The following CNNM4 variants were observed in gnomAD, a reference collection of about 807,000 sequenced individuals.
The protein encoded by CNNM4 is cyclin and CBS domain divalent metal cation transport mediator 4, also known as metal transporter CNNM4.
Under a neutral mutation model 53.7 loss-of-function variants are expected in CNNM4, and 32 were observed. The observed-to-expected ratio is 0.60, with a 90% confidence interval of 0.45 to 0.80. The LOEUF (loss-of-function observed/expected upper bound fraction) is 0.80, where lower values mean the gene tolerates loss of function less well. Ranked by LOEUF, CNNM4 falls within the 30% of genes least tolerant of loss-of-function variation. The probability of loss-of-function intolerance (pLI) is 0.00; values close to 1 mark genes in which losing one functional copy is unlikely to be tolerated. For synonymous variants in CNNM4, 410 were observed against 440.0 expected (o/e 0.93, Z 0.85); for missense variants, 784 against 1,022.0 (o/e 0.77, Z 3.17).
chr2:96,792,876 G>C (rs2079074102), intron 1 of CNNM4, among the ~76,000 whole-genome samples: 1 of 152,110 alleles, frequency 6.6e-6, no homozygotes, highest in Non-Finnish European at 1.5e-5. Flanking sequence ...CCTAAAGGGA[G>C]ACAGGAGTGT....
chr2:96,806,533 A>ACG (rs745997640), intron 5 of CNNM4, among the ~76,000 whole-genome samples: 11,401 of 138,440 alleles, frequency 0.082, 632 homozygotes, highest in Middle Eastern at 0.17. Flanking sequence ...ACACACACAC[A>ACG]CACGCGCGCG....
At chr2:96,770,079 C>T (rs2078855616) in intron 1 of CNNM4, among the ~76,000 whole-genome samples, 1 of 152,174 alleles carries the variant, frequency 6.6e-6, no homozygotes, top group African/African-American at 2.4e-5. Flanking sequence ...CCTGGCTGGC[C>T]CCATGCAGCC....
chr2:96,802,653 G>A (rs568762678), intron 5 of CNNM4, among the ~76,000 whole-genome samples: 14 of 152,356 alleles, frequency 9.2e-5, no homozygotes, highest in African/African-American at 1.4e-4. Context: ...AGGAGAGTAC[G>A]TGAGAGAATT....
chr2:96,768,178 A>T (rs546843248), intron 1 of CNNM4, among the ~76,000 whole-genome samples: 1 of 152,366 alleles, frequency 6.6e-6, no homozygotes, highest in African/African-American at 2.4e-5. Context: ...TATGAAGTTG[A>T]GAAAAAACAC....
At chr2:96,786,713 AG>A (rs1225298516) in intron 1 of CNNM4, among the ~76,000 whole-genome samples, 4 of 133,982 alleles carry the variant, frequency 3.0e-5, no homozygotes, top group African/African-American at 1.1e-4. Flanking sequence ...TGGGAAGCGG[AG>A]GTTGCAGTGA....
At chr2:96,767,338 C>T (rs2078827804) in intron 1 of CNNM4, among the ~76,000 whole-genome samples, 1 of 152,156 alleles carries the variant, frequency 6.6e-6, no homozygotes, top group Non-Finnish European at 1.5e-5. Context: ...TGATTTGAAC[C>T]TTGGCCCTTC....
At chr2:96,768,080 G>A (rs2078834381) in intron 1 of CNNM4, among the ~76,000 whole-genome samples, 1 of 152,010 alleles carries the variant, frequency 6.6e-6, no homozygotes, top group African/African-American at 2.4e-5. Flanking sequence ...AAAACAAAAC[G>A]AAACAACAAC....
At chr2:96,780,549 C>T (rs2078965542) in intron 1 of CNNM4, among the ~76,000 whole-genome samples, 1 of 152,026 alleles carries the variant, frequency 6.6e-6, no homozygotes, top group South Asian at 2.1e-4. Context: ...CGTGAGCCAC[C>T]ATGTCCGGCC....
chr2:96,799,539 T>C lies in CNNM4; in HGVS notation c.1852-13T>C, dbSNP rs1426465702. The C allele has an allele frequency of 3.2e-6, 5 of 1,551,856 alleles. No homozygotes were observed. Among genetic ancestry groups the C allele is most frequent in the Non-Finnish European group, 4.4e-6 (5 of 1,146,620 alleles). On this transcript the variant is annotated splice_polypyrimidine_tract_variant and intron_variant, in intron 4 of 6. Coordinates refer to ENST00000377075, the MANE Select transcript of CNNM4 (RefSeq NM_020184.4). ...CTCACTTGGTCTCTAACTCCAGCCC[T>C]GTGTTTTTTCAGGGGAAGGTGGAGG...
chr2:96,789,976 G>T (rs1395916773), intron 1 of CNNM4, among the ~76,000 whole-genome samples: 1 of 111,890 alleles, frequency 8.9e-6, no homozygotes, highest in Non-Finnish European at 1.7e-5. Context: ...TGGGATTACA[G>T]GCGTGAGCCA....
rs2078753074 is a variant in CNNM4 at position 96,760,903 on chromosome 2, G to T, written c.-97G>T. 3.0e-6 allele frequency: 2 copies of T among 666,778 alleles called. No homozygotes were observed. Among genetic ancestry groups the T allele is most frequent in the Non-Finnish European group, 3.7e-6 (2 of 538,338 alleles). 41.3% of individuals were successfully genotyped at this position (666,778 alleles called of 1,614,324 possible). A position where few individuals can be genotyped will look rare whatever the true frequency, so the allele number is the denominator to read the frequency against. On this transcript the variant is annotated 5_prime_UTR_variant, in exon 1 of 7. Transcript: ENST00000377075. ...TGACGTCAGGCTCGCGGCCCGGGCA[G>T]TTGGCTCGGCGGCAGCGGAGCGGCC...
intron 1 of CNNM4, among the ~76,000 whole-genome samples, chr2:96,779,522 A>AG (rs1173664843): frequency 2.2e-4 from 33 of 151,946 alleles, no homozygotes; most frequent in African/African-American, 8.0e-4. Context: ...AAAAAAAAAA[A>AG]AAAAAAAATC....
At chr2:96,774,258 G>A (rs2078904489) in intron 1 of CNNM4, among the ~76,000 whole-genome samples, 1 of 152,030 alleles carries the variant, frequency 6.6e-6, no homozygotes, top group African/African-American at 2.4e-5. Context: ...AGGGAGGGAG[G>A]GAAGAGGCCA....
chr2:96,796,131 C>CTT (rs796494842), intron 1 of CNNM4, among the ~76,000 whole-genome samples: 2,016 of 50,728 alleles, frequency 0.04, 467 homozygotes, highest in Non-Finnish European at 0.057. Flanking sequence ...CAGACAGGGT[C>CTT]TTTTTTTTTT....
Position 96,801,032 on chromosome 2 carries a change from T to A in CNNM4, c.1948+1384T>A. 3.1e-6 allele frequency: 3 copies of A among 957,348 alleles called. No individual in the cohort carries two copies. The highest frequency in any genetic ancestry group is 9.6e-5 in the South Asian group (2 of 20,756). The allele number at this position is 957,348 out of a possible 1,614,324, so 59.3% of individuals were successfully genotyped here. A position where few individuals can be genotyped will look rare whatever the true frequency, so the allele number is the denominator to read the frequency against. On this transcript the variant is annotated intron_variant, in intron 5 of 6. Coordinates refer to ENST00000377075, the MANE Select transcript of CNNM4 (RefSeq NM_020184.4). The surrounding 1 kb of genome is among the most constrained non-coding windows in gnomAD (Gnocchi z 5.6). ...TGTGCCTGTGGTTCCGTGTCCTGTC[T>A]CCTGACTGCGCCCATCACTGACCTT... is the stretch of plus-strand genomic sequence containing the variant.
chr2:96,782,297 A>G (rs2078981765), intron 1 of CNNM4, among the ~76,000 whole-genome samples: 1 of 152,066 alleles, frequency 6.6e-6, no homozygotes, highest in Non-Finnish European at 1.5e-5. Context: ...CTGTAGTCCC[A>G]GCTACTTGGG....
chr2:96,779,271 T>G (rs2078953229), intron 1 of CNNM4, among the ~76,000 whole-genome samples: 1 of 152,126 alleles, frequency 6.6e-6, no homozygotes, highest in Admixed American at 6.6e-5. Flanking sequence ...ATTCTTTCTT[T>G]AAAAGCTGTA....
At chr2:96,792,495 G>A (rs1318377876) in intron 1 of CNNM4, among the ~76,000 whole-genome samples, 1 of 151,690 alleles carries the variant, frequency 6.6e-6, no homozygotes, top group African/African-American at 2.4e-5. Flanking sequence ...CTAAATGGAT[G>A]TAGAGGCACA....
Position 96,797,596 on chromosome 2 carries a change from G to A in CNNM4, c.1630G>A (p.Val544Met). ...AFKDADNELK[V>M]KISPQLLLAA... Reference sequence around the variant, plus strand: ...CAAGGATGCGGACAATGAGCTCAAAGTGAAAATCTCCCCGCAGCTCCTCCT... The same window carrying A: ...CAAGGATGCGGACAATGAGCTCAAAATGAAAATCTCCCCGCAGCTCCTCCT... The change falls in exon 3 of 7, where the codon GTG becomes ATG. Residue 544 changes from valine to methionine, a missense_variant. Physicochemically the swap from Val to Met is conservative, Grantham distance 21 (BLOSUM62 1). Coordinates refer to ENST00000377075, the MANE Select transcript of CNNM4 (RefSeq NM_020184.4). The surrounding 1 kb of genome is among the most constrained non-coding windows in gnomAD (Gnocchi z 6.0). 6.2e-7 allele frequency: 1 copy of A among 1,614,220 alleles called. No homozygotes were observed. Among genetic ancestry groups the A allele is most frequent in the African/African-American group, 1.3e-5 (1 of 75,064 alleles).
Sources: allele counts gnomAD v4.1 joint callset (sites outside exome capture counted in the v4.1 genomes callset), GRCh38; gene constraint gnomAD v4.1.1; non-coding constraint Gnocchi (gnomAD v3.1); transcripts MANE v1.5; gene names NCBI Gene and HGNC (gene_info 2026-07-23, HGNC 2026-07-21).